CDH1: variants seen among roughly 807,000 people sequenced by gnomAD.
CDH1 encodes the protein cadherin 1, also known as cadherin-1.
CDH1 carries 35 observed loss-of-function variants against 84.5 expected under a neutral mutation model. The ratio of observed to expected loss-of-function variants is 0.41; its 90% CI spans 0.32 to 0.55. The LOEUF is 0.55. CDH1 is among the 20% of genes least tolerant of loss of function. CDH1 has a pLI of 0.19. For missense variants in CDH1, 994 were observed against 1,126.6 expected, an observed-to-expected ratio of 0.88 and a Z score of 1.68; for synonymous variants, 417 against 439.0, an observed-to-expected ratio of 0.95 and a Z score of 0.63.
intron 9 of CDH1, chr16:68,814,548 A>G (rs2152134209): frequency 6.7e-6 from 1 of 150,098 alleles, no homozygotes; most frequent in South Asian, 2.1e-4. Flanking sequence ...ACTCTGTCTG[A>G]AAAAAAAAAG....
At chr16:68,819,978 C>T (rs1005325145) in intron 11 of CDH1, among the ~76,000 whole-genome samples, 2 of 152,096 alleles carry the variant, frequency 1.3e-5, no homozygotes, top group Non-Finnish European at 2.9e-5. Context: ...GTGGGAGGAT[C>T]ACTTGAGCCC....
At chr16:68,817,654 G>A (rs1961017713) in intron 10 of CDH1, among the ~76,000 whole-genome samples, 1 of 152,074 alleles carries the variant, frequency 6.6e-6, no homozygotes, top group Non-Finnish European at 1.5e-5. Flanking sequence ...CCTCTGTCCT[G>A]TTCTTGCCCC....
intron 13 of CDH1, among the ~76,000 whole-genome samples, chr16:68,826,078 C>T (rs191840079): frequency 0.012 from 1,897 of 152,174 alleles, 35 homozygotes; most frequent in Non-Finnish European, 0.014. Context: ...CCTTGGCCTT[C>T]CAAAGTGTTG....
chr16:68,760,666 C>T (rs1410988668), intron 2 of CDH1, among the ~76,000 whole-genome samples: 1 of 152,184 alleles, frequency 6.6e-6, no homozygotes, highest in Non-Finnish European at 1.5e-5. Flanking sequence ...TGAGTGCCTT[C>T]TGTGTGCTCT....
chr16:68,759,035 ATCTGCCCCTC>A (rs1963091522), intron 2 of CDH1, among the ~76,000 whole-genome samples: 1 of 152,096 alleles, frequency 6.6e-6, no homozygotes, highest in African/African-American at 2.4e-5. Flanking sequence ...ACCTCAGATG[ATCTGCCCCTC>A]TAGCCCTCTC....
chr16:68,744,955 A>C lies in CDH1; in HGVS notation c.163+6544A>C, dbSNP rs150045763. The stretch of plus-strand genomic sequence containing the variant: ...TGCTTCTGTGTTAAGCAAACAGTGC[A>C]CTGCAAACAGTGACTAAGCCTAGTG... On this transcript the variant is annotated intron_variant, in intron 2 of 15. Coordinates refer to ENST00000261769, the MANE Select transcript of CDH1 (RefSeq NM_004360.5). Among the ~76,000 whole-genome samples, 747 of 152,288 alleles carry C rather than the reference A, an allele frequency of 4.9e-3. 3 individuals carry two copies. Among genetic ancestry groups the C allele is most frequent in the Admixed American group, 7.5e-3 (115 of 15,292 alleles).
chr16:68,767,487 C>T (rs1193544886), intron 2 of CDH1, among the ~76,000 whole-genome samples: 3 of 151,972 alleles, frequency 2.0e-5, no homozygotes, highest in Admixed American at 6.5e-5. Flanking sequence ...CCTGAGCCAC[C>T]GTGCCCGGCC....
intron 2 of CDH1, among the ~76,000 whole-genome samples, chr16:68,785,977 C>A (rs1020165320): frequency 9.2e-5 from 14 of 152,104 alleles, no homozygotes; most frequent in Non-Finnish European, 2.1e-4. Context: ...AGAGCAGCAA[C>A]CAGGAAAATA....
rs35250595 is a variant in CDH1, at chr16:68,809,200, G to A, written c.687+352G>A. Among the ~76,000 whole-genome samples, 536 of 150,782 alleles carry A rather than the reference G, an allele frequency of 3.6e-3. 2 individuals are homozygous for A. The highest frequency in any genetic ancestry group is 7.2e-3 in the Admixed American group (109 of 15,146). The stretch of plus-strand genomic sequence containing the variant: ...AACCCATTTCTTGGGCTTGGCAGCA[G>A]CAAGAGCTTAGGAAAACCAAGAGGT... On this transcript the variant is annotated intron_variant, in intron 5 of 15. Coordinates refer to ENST00000261769, the MANE Select transcript of CDH1 (RefSeq NM_004360.5).
intron 2 of CDH1, among the ~76,000 whole-genome samples, chr16:68,740,522 A>G (rs1356732741): frequency 1.3e-5 from 2 of 152,002 alleles, no homozygotes; most frequent in Non-Finnish European, 2.9e-5. Context: ...CCAGTCTTGG[A>G]GAGCAAGGCA....
chr16:68,738,097 G>A (rs1444064655), intron 1 of CDH1, among the ~76,000 whole-genome samples, 200 bp from the exon 2 acceptor site: 1 of 152,054 alleles, frequency 6.6e-6, no homozygotes, highest in African/African-American at 2.4e-5. Context: ...GCCCCCTCCC[G>A]GGAGTTCCTG....
intron 3 of CDH1, 76 bp downstream of exon 3, chr16:68,801,969 C>T (rs33932753): frequency 4.5e-5 from 55 of 1,234,028 alleles, no homozygotes; most frequent in South Asian, 6.2e-5. Context: ...GCCTTGGTAC[C>T]GTTGACATTT....
At chr16:68,822,526 C>A in intron 12 of CDH1, 1 of 536,828 alleles carries the variant, frequency 1.9e-6, no homozygotes, top group East Asian at 3.7e-5. Context: ...CTGCTACCTC[C>A]TGCTCCTGGG....
chr16:68,803,970 C>T (rs1960581998), intron 3 of CDH1, among the ~76,000 whole-genome samples: 1 of 151,960 alleles, frequency 6.6e-6, no homozygotes, highest in Non-Finnish European at 1.5e-5. Context: ...TCAAGGAGAC[C>T]TCGTGATCCC....
chr16:68,737,590 C>A lies in CDH1; in HGVS notation c.48+127C>A, dbSNP rs1489062403. 6.8e-6 allele frequency: 6 copies of A among 888,734 alleles called. No individual in the cohort carries two copies. The South Asian group carries it at 9.0e-5, about 13-fold the overall frequency. 55.1% of individuals were successfully genotyped at this position (888,734 alleles called of 1,614,324 possible). A position where few individuals can be genotyped will look rare whatever the true frequency, so the allele number is the denominator to read the frequency against. On this transcript the variant is annotated intron_variant, in intron 1 of 15. Coordinates refer to ENST00000261769, the MANE Select transcript of CDH1 (RefSeq NM_004360.5). Reference sequence around the variant, plus strand: ...CCAAGAAAGTTCGGGTCCTGAGGAGCGGAGCGGCCTGGAAGCCTCGCGCGC... The same window carrying A: ...CCAAGAAAGTTCGGGTCCTGAGGAGAGGAGCGGCCTGGAAGCCTCGCGCGC...
chr16:68,759,866 G>A (rs143355763), intron 2 of CDH1, among the ~76,000 whole-genome samples: 6 of 152,024 alleles, frequency 3.9e-5, no homozygotes, highest in Middle Eastern at 3.4e-3. Context: ...AGTGTGTACC[G>A]CCCTGGCTGG....
chr16:68,808,544 C>T lies in CDH1; in HGVS notation c.508C>T (p.Pro170Ser), dbSNP rs1284865285. The stretch of plus-strand genomic sequence containing the variant: ...CAGCTGCCCAGAAAATGAAAAAGGC[C>T]CATTTCCTAAAAACCTGGTTCAGGT... Reference protein sequence around the residue: ...PISCPENEKGPFPKNLVQIKS... With the variant: ...PISCPENEKGSFPKNLVQIKS... Residue 170 changes from proline to serine, a missense_variant, in exon 4 of 16, where the codon CCA (proline) becomes TCA (serine). Pro to Ser is a moderately conservative substitution (Grantham distance 74, BLOSUM62 -1). Transcript: ENST00000261769. The T allele has an allele frequency of 3.1e-6, 5 of 1,614,082 alleles. No individual in the cohort carries two copies. Among genetic ancestry groups the T allele is most frequent in the Admixed American group, 1.7e-5 (1 of 59,990 alleles).
chr16:68,833,582 C>A lies in CDH1; in HGVS notation c.*83C>A. The A allele has an allele frequency of 9.4e-7, 1 of 1,066,918 alleles. No homozygotes were observed. Among genetic ancestry groups the A allele is most frequent in the Non-Finnish European group, 1.5e-6 (1 of 686,328 alleles). 66.1% of individuals were successfully genotyped at this position (1,066,918 alleles called of 1,614,324 possible). On this transcript the variant is annotated 3_prime_UTR_variant, in exon 16 of 16. Transcript: ENST00000261769. ...GCTGGTGGTTTTTCAGCTCCCTTCC[C>A]TTGAGATGAGTTTCTGGGGAAAAAA...
At chr16:68,815,433 G>T in intron 9 of CDH1, 82 bp from the exon 10 acceptor site, 1 of 1,571,370 alleles carries the variant, frequency 6.4e-7, no homozygotes, top group East Asian at 2.3e-5. Context: ...ATTACCAAAA[G>T]CAACAGTTAA....
Sources: gnomAD v4.1 joint callset for allele counts (sites outside exome capture counted in the v4.1 genomes callset) on GRCh38, gnomAD v4.1.1 for gene constraint, MANE v1.5 for transcripts, NCBI Gene and HGNC (gene_info 2026-07-23, HGNC 2026-07-21) for gene names.